NRXN3: variants seen among roughly 807,000 people sequenced by gnomAD.
The protein encoded by NRXN3 is neurexin III.
NRXN3 carries 32 observed loss-of-function variants against 137.6 expected under a neutral mutation model. The observed-to-expected ratio is 0.23, with a 90% CI of 0.18 to 0.31. The LOEUF (loss-of-function observed/expected upper bound fraction) is 0.31, where lower values mean the gene tolerates loss of function less well. Ranked by LOEUF, NRXN3 falls within the 10% of genes least tolerant of loss-of-function variation. The pLI, the probability that NRXN3 is intolerant of heterozygous loss-of-function variation, is 1.00. For synonymous variants in NRXN3, 798 were observed against 784.5 expected (o/e 1.02, Z -0.29); for missense variants, 1,574 against 2,062.5 (o/e 0.76, Z 4.59).
intron 15 of NRXN3, among the ~76,000 whole-genome samples, chr14:79,021,123 G>A (rs1011694794): frequency 6.6e-6 from 1 of 151,940 alleles, no homozygotes; most frequent in Non-Finnish European, 1.5e-5. Context: ...CAGGGACTAT[G>A]TTGGACACTT....
chr14:79,752,857 C>T (rs1462778704), intron 19 of NRXN3, among the ~76,000 whole-genome samples: 1 of 151,850 alleles, frequency 6.6e-6, no homozygotes, highest in Non-Finnish European at 1.5e-5. Flanking sequence ...ACAATGAACT[C>T]AAACAAATTT....
At chr14:79,845,685 A>T (rs2099366278) in intron 20 of NRXN3, among the ~76,000 whole-genome samples, 1 of 133,694 alleles carries the variant, frequency 7.5e-6, no homozygotes, top group East Asian at 2.1e-4. Flanking sequence ...ACGGGGAGAG[A>T]GACGGAGACG....
chr14:79,294,057 T>C (rs1005095354), intron 15 of NRXN3, among the ~76,000 whole-genome samples: 3 of 152,144 alleles, frequency 2.0e-5, no homozygotes, highest in African/African-American at 7.2e-5. Flanking sequence ...TGGCTGAAGA[T>C]GGTTTGTCAT....
chr14:79,675,104 C>T (rs2154003391), intron 17 of NRXN3, among the ~76,000 whole-genome samples: 1 of 152,072 alleles, frequency 6.6e-6, no homozygotes, highest in South Asian at 2.1e-4. Flanking sequence ...TAACACACTC[C>T]AGTGTTGCAC....
At chr14:78,803,510 C>CTA in intron 8 of NRXN3, 110 bp from the exon 9 acceptor site, 1 of 954,422 alleles carries the variant, frequency 1.0e-6, no homozygotes, top group South Asian at 1.3e-5. Context: ...ACACAAGTCA[C>CTA]TAGGCTACAA....
At chr14:78,475,892 G>C (rs979908720) in intron 4 of NRXN3, among the ~76,000 whole-genome samples, 2 of 152,106 alleles carry the variant, frequency 1.3e-5, no homozygotes, top group Non-Finnish European at 2.9e-5. Context: ...CTTATTATAG[G>C]TACTAGAGAT....
At chr14:78,729,904 G>T (rs1451783422) in intron 8 of NRXN3, among the ~76,000 whole-genome samples, 1 of 152,166 alleles carries the variant, frequency 6.6e-6, no homozygotes, top group African/African-American at 2.4e-5. Context: ...CAAAATGAAT[G>T]GGATTATTTC....
chr14:79,101,067 T>C (rs1000747771), intron 15 of NRXN3, among the ~76,000 whole-genome samples: 7 of 152,220 alleles, frequency 4.6e-5, no homozygotes, highest in Non-Finnish European at 5.9e-5. Flanking sequence ...CTTAACACTT[T>C]GGCAGAATGT....
chr14:79,616,442 A>G (rs912091807), intron 16 of NRXN3, among the ~76,000 whole-genome samples: 2 of 152,160 alleles, frequency 1.3e-5, no homozygotes, highest in Non-Finnish European at 2.9e-5. Flanking sequence ...ATTAGGAAGC[A>G]AGGAAAAGGG....
At chr14:78,335,905 C>G (rs1414354055) in intron 4 of NRXN3, among the ~76,000 whole-genome samples, 1 of 152,162 alleles carries the variant, frequency 6.6e-6, no homozygotes, top group African/African-American at 2.4e-5. Flanking sequence ...CTAAGGTAAC[C>G]AGAACCCTAA....
At chr14:78,883,727 C>G (rs1462669501) in intron 10 of NRXN3, among the ~76,000 whole-genome samples, 1 of 152,138 alleles carries the variant, frequency 6.6e-6, no homozygotes, top group Non-Finnish European at 1.5e-5. Flanking sequence ...GGGTTAAGTG[C>G]CTTGCCTAAG....
rs573991831 is a variant in NRXN3, at chr14:79,762,224, A to G, written c.4015-42888A>G. On this transcript the variant is annotated intron_variant, in intron 19 of 20. Transcript: ENST00000335750. ...AAAAATTGCTAGCACTACGAAATCA[A>G]GCAGGTTATGGCAGTATATTCCTTG... is the stretch of plus-strand genomic sequence containing the variant. Among the ~76,000 whole-genome samples, 263 of 151,792 alleles carry G rather than the reference A, an allele frequency of 1.7e-3. 2 individuals are homozygous for G. Among genetic ancestry groups the G allele is most frequent in the South Asian group, 7.9e-3 (38 of 4,828 alleles).
Position 78,905,328 on chromosome 14 carries a change from C to A in NRXN3, c.2276-51914C>A, listed in dbSNP as rs557727610. On this transcript the variant is annotated intron_variant, in intron 10 of 20. Transcript: ENST00000335750. ...TGCGCCATTCACCCTGGTCCTAAGT[C>A]ATATGTTCTTTCTTTGTATTTTTAT... Among the ~76,000 whole-genome samples the A allele has an allele frequency of 9.9e-5, 15 of 152,222 alleles. 1 individual carries two copies. In the South Asian group the frequency reaches 2.1e-3, roughly 21 times the overall value.
At chr14:79,831,556 T>C (rs1425142852) in intron 20 of NRXN3, among the ~76,000 whole-genome samples, 1 of 152,176 alleles carries the variant, frequency 6.6e-6, no homozygotes, top group Non-Finnish European at 1.5e-5. Context: ...TTTATTGTTA[T>C]TTTGCCAAAC....
At chr14:78,441,796 G>T (rs919866758) in intron 4 of NRXN3, among the ~76,000 whole-genome samples, 1 of 152,044 alleles carries the variant, frequency 6.6e-6, no homozygotes, top group East Asian at 1.9e-4. Flanking sequence ...AATGAGAAGC[G>T]TTTATGTAAG....
At chr14:78,570,150 G>A (rs1451381338) in intron 4 of NRXN3, among the ~76,000 whole-genome samples, 1 of 152,184 alleles carries the variant, frequency 6.6e-6, no homozygotes, top group Non-Finnish European at 1.5e-5. Context: ...GTGATATTAG[G>A]AGATAGAGCC....
chr14:78,954,625 C>T (rs1390008172), intron 10 of NRXN3, among the ~76,000 whole-genome samples: 5 of 151,920 alleles, frequency 3.3e-5, no homozygotes, highest in South Asian at 2.1e-4. Flanking sequence ...CCACCATGCC[C>T]GGCTAGTTTT....
chr14:78,407,597 CTT>C (rs748273565), intron 4 of NRXN3, among the ~76,000 whole-genome samples: 19 of 152,288 alleles, frequency 1.2e-4, no homozygotes, highest in South Asian at 8.3e-4. Context: ...GGCATTGACT[CTT>C]TGAGCCCTGT....
chr14:78,696,250 A>G (rs551423107), intron 6 of NRXN3, among the ~76,000 whole-genome samples: 1 of 152,162 alleles, frequency 6.6e-6, no homozygotes, highest in South Asian at 2.1e-4. Flanking sequence ...AGCCAGACTT[A>G]TCTCTATTTC....
Sources: allele counts gnomAD v4.1 joint callset (sites outside exome capture counted in the v4.1 genomes callset), GRCh38; gene constraint gnomAD v4.1.1; transcripts MANE v1.5; gene names NCBI Gene and HGNC (gene_info 2026-07-23, HGNC 2026-07-21).